The following SHISA9 variants were observed in gnomAD, a reference collection of about 807,000 sequenced individuals.
SHISA9 encodes protein shisa-9.
Under a neutral mutation model 38.0 loss-of-function variants are expected in SHISA9, and 13 were observed. The ratio of observed to expected loss-of-function variants is 0.34; its 90% CI spans 0.22 to 0.54. SHISA9 has a LOEUF of 0.54. Ranked by LOEUF, SHISA9 falls within the 20% of genes least tolerant of loss-of-function variation. The pLI is 0.91. For missense variants in SHISA9, 538 were observed against 575.8 expected (o/e 0.93, Z 0.67); for synonymous variants, 275 against 242.0 (o/e 1.14, Z -1.27).
chr16:13,134,881 C>G (rs2050335115), intron 2 of SHISA9, among the ~76,000 whole-genome samples: 1 of 152,154 alleles, frequency 6.6e-6, no homozygotes, highest in African/African-American at 2.4e-5. Context: ...GGAGCCACCC[C>G]TTCAGCCACC....
the SHISA9 span, among the ~76,000 whole-genome samples, chr16:13,500,677 A>C: frequency 6.6e-6 from 1 of 152,112 alleles, no homozygotes; most frequent in Non-Finnish European, 1.5e-5. Context: ...AGAGACAAAA[A>C]GACAGGGATT....
chr16:12,999,207 T>C (rs1466925874), intron 2 of SHISA9, among the ~76,000 whole-genome samples: 2 of 152,132 alleles, frequency 1.3e-5, no homozygotes, highest in Non-Finnish European at 2.9e-5. Context: ...TCTGCAGCAC[T>C]ACACGTGGGG....
chr16:13,373,166 CA>C, the SHISA9 span, among the ~76,000 whole-genome samples: 1 of 152,142 alleles, frequency 6.6e-6, no homozygotes, highest in Non-Finnish European at 1.5e-5. Flanking sequence ...TGACTCCAAG[CA>C]AAATGCCTTA....
chr16:13,345,453 C>T, the SHISA9 span, among the ~76,000 whole-genome samples: 1 of 152,138 alleles, frequency 6.6e-6, no homozygotes, highest in Non-Finnish European at 1.5e-5. Flanking sequence ...TTTTTTATTG[C>T]TACACAGTAT....
the SHISA9 span, among the ~76,000 whole-genome samples, chr16:13,264,518 T>C: frequency 6.6e-6 from 1 of 152,164 alleles, no homozygotes; most frequent in Non-Finnish European, 1.5e-5. Flanking sequence ...GAGTTTCTTT[T>C]GGTTGTCTGA....
the SHISA9 span, among the ~76,000 whole-genome samples, chr16:13,529,963 T>C: frequency 2.0e-5 from 3 of 152,332 alleles, no homozygotes; most frequent in African/African-American, 7.2e-5. Flanking sequence ...AGAAGCTTAC[T>C]ACAGACTTTT....
the SHISA9 span, among the ~76,000 whole-genome samples, chr16:13,314,331 A>T: frequency 2.0e-5 from 3 of 151,956 alleles, no homozygotes; most frequent in Non-Finnish European, 2.9e-5. Flanking sequence ...CTCCTGCCTC[A>T]GCCTCCCGAG....
chr16:13,083,198 C>G (rs1013797981), intron 2 of SHISA9, among the ~76,000 whole-genome samples: 1 of 152,176 alleles, frequency 6.6e-6, no homozygotes, highest in Non-Finnish European at 1.5e-5. Flanking sequence ...TTTCTCCTGG[C>G]AGTTCGTGGC....
chr16:13,440,259 A>G, the SHISA9 span, among the ~76,000 whole-genome samples: 1 of 152,174 alleles, frequency 6.6e-6, no homozygotes, highest in South Asian at 2.1e-4. Flanking sequence ...TATACCCTCT[A>G]ATTCCCAGTC....
the SHISA9 span, among the ~76,000 whole-genome samples, chr16:13,343,732 A>G: frequency 6.6e-6 from 1 of 152,174 alleles, no homozygotes; most frequent in Non-Finnish European, 1.5e-5. Flanking sequence ...TTGTATGTTT[A>G]AAAGTGTAAG....
At chr16:13,383,000 G>C in the SHISA9 span, among the ~76,000 whole-genome samples, 4 of 152,170 alleles carry the variant, frequency 2.6e-5, no homozygotes, top group African/African-American at 9.7e-5. Flanking sequence ...CTAAGTGTTC[G>C]TTGCGTGTCA....
chr16:13,124,415 C>T (rs564118991), intron 2 of SHISA9, among the ~76,000 whole-genome samples: 1 of 152,134 alleles, frequency 6.6e-6, no homozygotes, highest in East Asian at 1.9e-4. Flanking sequence ...GTTCCCCAAG[C>T]CCAAGAAAGG....
At chr16:13,420,349 T>C in the SHISA9 span, among the ~76,000 whole-genome samples, 1 of 150,382 alleles carries the variant, frequency 6.6e-6, no homozygotes, top group Non-Finnish European at 1.5e-5. Context: ...AAATCTAATA[T>C]TGAACAGATA....
chr16:13,405,839 G>T, the SHISA9 span, among the ~76,000 whole-genome samples: 2,047 of 151,308 alleles, frequency 0.014, 54 homozygotes, highest in African/African-American at 0.047. Flanking sequence ...ATTCTTTGGT[G>T]TATACATACC....
chr16:13,020,944 C>T (rs1345249977), intron 2 of SHISA9, among the ~76,000 whole-genome samples: 2 of 152,326 alleles, frequency 1.3e-5, no homozygotes, highest in Non-Finnish European at 2.9e-5. Flanking sequence ...AATATCTCCC[C>T]AGTCCCGGGA....
intron 2 of SHISA9, among the ~76,000 whole-genome samples, chr16:13,008,603 T>TCTCTCTCTCTCTCTCC: frequency 6.7e-6 from 1 of 149,070 alleles, no homozygotes; most frequent in African/African-American, 2.5e-5. Flanking sequence ...TTCCCCCTTT[T>TCTCTCTCTCTCTCTCC]TTCTCTCTCT....
At chr16:13,156,865 T>A (rs536444623) in intron 2 of SHISA9, among the ~76,000 whole-genome samples, 7 of 152,334 alleles carry the variant, frequency 4.6e-5, no homozygotes, top group African/African-American at 1.7e-4. Context: ...AATCAGGTAG[T>A]CTCTCATCTT....
the SHISA9 span, among the ~76,000 whole-genome samples, chr16:13,340,824 C>A: frequency 6.6e-6 from 1 of 152,158 alleles, no homozygotes; most frequent in Non-Finnish European, 1.5e-5. Context: ...TGCTACCGGG[C>A]CTTTGCACAT....
chr16:13,203,956 C>G (rs2051033656), intron 3 of SHISA9, among the ~76,000 whole-genome samples: 1 of 151,970 alleles, frequency 6.6e-6, no homozygotes. Flanking sequence ...TATCATCTGT[C>G]TGTCTATCAT....
Sources: allele counts gnomAD v4.1 joint callset (sites outside exome capture counted in the v4.1 genomes callset), GRCh38; gene constraint gnomAD v4.1.1; transcripts MANE v1.5; gene names NCBI Gene and HGNC (gene_info 2026-07-23, HGNC 2026-07-21).